Variants in CHI3L2 observed in about 807,000 individuals in gnomAD.
CHI3L2 encodes chitinase 3 like 2, also known as chitinase-3-like protein 2.
A neutral mutation model predicts 47.3 loss-of-function variants in CHI3L2; 47 were observed. That is an observed-to-expected ratio of 0.99 (90% CI 0.79 to 1.27). The LOEUF is 1.27. Among genes scored for constraint, CHI3L2 ranks in the 50% most tolerant of loss-of-function variants. The pLI is 0.00. For missense variants in CHI3L2, 497 were observed against 462.1 expected (o/e 1.08, Z -0.69); for synonymous variants, 198 against 169.9 (o/e 1.17, Z -1.28).
At chr1:111,237,377 G>A (rs1015078375) in intron 7 of CHI3L2, among the ~76,000 whole-genome samples, 4 of 152,308 alleles carry the variant, frequency 2.6e-5, no homozygotes, top group Non-Finnish European at 5.9e-5. Context: ...CTCTTTCACT[G>A]TCATAATTTT....
At chr1:111,241,969 A>C (rs1438275763) in intron 9 of CHI3L2, among the ~76,000 whole-genome samples, 1 of 152,146 alleles carries the variant, frequency 6.6e-6, no homozygotes, top group Admixed American at 6.5e-5. Flanking sequence ...TTCTTCCCTT[A>C]TTATGGAGAG....
intron 9 of CHI3L2, 103 bp downstream of exon 9, chr1:111,241,546 G>T (rs1386422476): frequency 2.9e-5 from 20 of 681,716 alleles, no homozygotes; most frequent in Admixed American, 7.4e-5. Context: ...TGAGGCCCCA[G>T]ACTCTAGGAT....
chr1:111,228,353 G>A (rs1659589358), intron 1 of CHI3L2, among the ~76,000 whole-genome samples: 1 of 152,160 alleles, frequency 6.6e-6, no homozygotes, highest in Non-Finnish European at 1.5e-5. Flanking sequence ...TATGTCTGCT[G>A]GAGGAAAGAA....
intron 8 of CHI3L2, among the ~76,000 whole-genome samples, chr1:111,240,928 A>AACAT (rs1272051001): frequency 6.6e-6 from 1 of 152,208 alleles, no homozygotes; most frequent in Non-Finnish European, 1.5e-5. Flanking sequence ...TACTGTTTTC[A>AACAT]AAAAAATTTT....
At chr1:111,231,017 A>G (rs1246281544) in intron 3 of CHI3L2, 74 bp downstream of exon 3, 8 of 1,191,744 alleles carry the variant, frequency 6.7e-6, no homozygotes, top group Non-Finnish European at 9.9e-6. Context: ...TGACACTAAG[A>G]CATACTATCT....
chr1:111,233,362 G>A (rs1002924058), intron 4 of CHI3L2, among the ~76,000 whole-genome samples: 2 of 152,162 alleles, frequency 1.3e-5, no homozygotes, highest in Non-Finnish European at 2.9e-5. Context: ...ACATGAAGCA[G>A]GATTAGTACC....
chr1:111,232,055 A>G (rs1659737893), intron 4 of CHI3L2, among the ~76,000 whole-genome samples: 1 of 152,246 alleles, frequency 6.6e-6, no homozygotes, highest in Admixed American at 6.5e-5. Context: ...TGGAGTTTTT[A>G]TAGAAATCTG....
chr1:111,242,136 T>C (rs1660076421), intron 9 of CHI3L2, 91 bp from the exon 10 acceptor site: 3 of 1,540,340 alleles, frequency 1.9e-6, no homozygotes, highest in Non-Finnish European at 2.7e-6. Flanking sequence ...TGCTGTATTT[T>C]AAGCTTAGTC....
intron 2 of CHI3L2, 50 bp downstream of exon 2, chr1:111,229,931 T>C (rs778084537): frequency 1.9e-6 from 3 of 1,607,906 alleles, no homozygotes; most frequent in Non-Finnish European, 2.6e-6. Flanking sequence ...CTTGGGTGCT[T>C]TCATTTTTGA....
In CHI3L2 at chr1:111,235,609, T is replaced by C. The variant is rs375140344; in HGVS notation, c.481-30T>C. On this transcript the variant is annotated intron_variant, in intron 5 of 10. Transcript: ENST00000369748. ...TAGCACTGTACTCTGGGAAGGGGAA[T>C]ATTGCACCTCGTTTCTTTGTTTTTC... 14 of 1,607,788 alleles carry C rather than the reference T, an allele frequency of 8.7e-6. No individual in the cohort carries two copies. In the African/African-American group the frequency reaches 1.7e-4, roughly 20 times the overall value.
intron 1 of CHI3L2, chr1:111,229,607 G>T (rs1413957400): frequency 2.5e-6 from 1 of 396,956 alleles, no homozygotes; most frequent in Non-Finnish European, 3.6e-6. Context: ...GCGTGAACCC[G>T]GGAGGCGGAG....
chr1:111,235,928 C>A (rs1659872540), intron 6 of CHI3L2, 96 bp from the exon 7 acceptor site: 9 of 1,554,776 alleles, frequency 5.8e-6, no homozygotes, highest in Non-Finnish European at 7.9e-6. Flanking sequence ...GACTTTCAAT[C>A]CTTCTAGCAG....
intron 2 of CHI3L2, among the ~76,000 whole-genome samples, chr1:111,230,307 G>A (rs1434312329): frequency 1.3e-5 from 2 of 151,934 alleles, no homozygotes; most frequent in South Asian, 2.1e-4. Context: ...AGGCTGTAGT[G>A]CAGTGGTGTG....
intron 4 of CHI3L2, among the ~76,000 whole-genome samples, chr1:111,233,289 C>G (rs1022776489): frequency 6.6e-6 from 1 of 152,084 alleles, no homozygotes; most frequent in Non-Finnish European, 1.5e-5. Flanking sequence ...GTTTGGGGAC[C>G]ATGAAGTCAC....
chr1:111,235,810 C>T (rs369178279), intron 6 of CHI3L2, 47 bp downstream of exon 6: 2 of 1,604,598 alleles, frequency 1.2e-6, no homozygotes, highest in Non-Finnish European at 1.7e-6. Context: ...CCAATTTGGT[C>T]CATGCAAATG....
At chr1:111,231,201 C>T (rs1297736984) in intron 3 of CHI3L2, 37 bp from the exon 4 acceptor site, 3 of 1,538,292 alleles carry the variant, frequency 2.0e-6, no homozygotes, top group Non-Finnish European at 2.7e-6. Flanking sequence ...TCCCTGGCAG[C>T]CAGAAAATAA....
intron 8 of CHI3L2, 38 bp from the exon 9 acceptor site, chr1:111,241,289 C>A: frequency 9.0e-7 from 1 of 1,117,148 alleles, no homozygotes; most frequent in Non-Finnish European, 1.4e-6. Flanking sequence ...TCAAGAATAA[C>A]CCATTACTGA....
intron 5 of CHI3L2, 100 bp downstream of exon 5, chr1:111,235,157 G>A: frequency 7.8e-7 from 1 of 1,283,910 alleles, no homozygotes; most frequent in Non-Finnish European, 1.1e-6. Flanking sequence ...CAAAAAGGAG[G>A]AGATTGAGTC....
intron 1 of CHI3L2, 40 bp downstream of exon 1, chr1:111,227,809 G>A: frequency 1.3e-6 from 2 of 1,569,688 alleles, no homozygotes; most frequent in Admixed American, 1.7e-5. Context: ...AATTTGGTGA[G>A]GAAGGAAGAG....
Sources: gnomAD v4.1 joint callset for allele counts (sites outside exome capture counted in the v4.1 genomes callset) on GRCh38, gnomAD v4.1.1 for gene constraint, MANE v1.5 for transcripts, NCBI Gene and HGNC (gene_info 2026-07-23, HGNC 2026-07-21) for gene names.